The following WWC2 variants were observed in gnomAD, a reference collection of about 807,000 sequenced individuals.
WWC2 encodes the protein protein WWC2.
In WWC2, 101 loss-of-function variants were observed where a neutral mutation model predicts 138.5. That is an observed-to-expected ratio of 0.73 (90% CI 0.62 to 0.86). The LOEUF is 0.86. Among genes scored for constraint, WWC2 ranks in the 40% least tolerant of loss-of-function variants. The pLI is 0.00. For missense variants in WWC2, 1,420 were observed against 1,419.4 expected, an observed-to-expected ratio of 1.00 and a Z score of -0.01; for synonymous variants, 558 against 538.4, an observed-to-expected ratio of 1.04 and a Z score of -0.50.
chr4:183,288,313 C>G (rs1208330037), intron 20 of WWC2, among the ~76,000 whole-genome samples: 1 of 152,194 alleles, frequency 6.6e-6, no homozygotes, highest in African/African-American at 2.4e-5. Context: ...TATTTTAGAT[C>G]TTCAAACTGG....
chr4:183,284,337 A>T lies in WWC2; in HGVS notation c.2995A>T (p.Ile999Leu). The change falls in exon 19 of 23, where the codon ATA (isoleucine) becomes TTA (leucine). Residue 999 changes from isoleucine to leucine, a missense_variant. Physicochemically the swap from Ile to Leu is conservative, Grantham distance 5. Coordinates refer to ENST00000403733, the MANE Select transcript of WWC2 (RefSeq NM_024949.6). The part of the protein sequence containing the change: ...RQHPFVRSSV[I>L]VRSQTFSPGE... The stretch of plus-strand genomic sequence containing the variant: ...GCATCCGTTTGTGAGGAGCAGTGTG[A>T]TAGTGCGCTCACAGACCTTTTCTCC... 3 of 1,613,908 alleles carry T rather than the reference A, an allele frequency of 1.9e-6. No homozygotes were observed. Among genetic ancestry groups the T allele is most frequent in the Non-Finnish European group, 2.5e-6 (3 of 1,179,878 alleles).
intron 4 of WWC2, among the ~76,000 whole-genome samples, chr4:183,214,631 A>G (rs1735700409): frequency 6.6e-6 from 1 of 152,090 alleles, no homozygotes; most frequent in Admixed American, 6.5e-5. Flanking sequence ...CGTCTCTACT[A>G]AAAATACAAA....
At chr4:183,313,787 G>T (rs552549388) in intron 22 of WWC2, among the ~76,000 whole-genome samples, 2 of 151,066 alleles carry the variant, frequency 1.3e-5, no homozygotes, top group East Asian at 3.9e-4. Context: ...AGAACCAGGA[G>T]CCTGGGGCAA....
At chr4:183,295,992 T>C (rs1464165350) in intron 21 of WWC2, among the ~76,000 whole-genome samples, 1 of 152,216 alleles carries the variant, frequency 6.6e-6, no homozygotes, top group Non-Finnish European at 1.5e-5. Flanking sequence ...ACATGGGTGG[T>C]ATTTTTCACT....
At chr4:183,229,196 CTT>C (rs1736167034) in intron 4 of WWC2, among the ~76,000 whole-genome samples, 1 of 152,028 alleles carries the variant, frequency 6.6e-6, no homozygotes, top group Non-Finnish European at 1.5e-5. Context: ...AGTTTTTTTA[CTT>C]TCAGTGTGTA....
chr4:183,309,700 C>T (rs1739146751), intron 21 of WWC2, among the ~76,000 whole-genome samples: 3 of 152,230 alleles, frequency 2.0e-5, no homozygotes, highest in Non-Finnish European at 2.9e-5. Flanking sequence ...TTCTTACATA[C>T]AATTCAGCAG....
In WWC2 at chr4:183,209,063, A is replaced by T. The variant is rs570893313; in HGVS notation, c.522+38A>T. Reference sequence around the variant, plus strand: ...AAATTGTGGTTCTATGTTGACCCATATGCATAGAGTCTGAAGGCTGTGGAA... The same window carrying T: ...AAATTGTGGTTCTATGTTGACCCATTTGCATAGAGTCTGAAGGCTGTGGAA... On this transcript the variant is annotated intron_variant, in intron 4 of 22. Coordinates refer to ENST00000403733, the MANE Select transcript of WWC2 (RefSeq NM_024949.6). The T allele has an allele frequency of 4.8e-5, 67 of 1,404,042 alleles. No individual in the cohort carries two copies. The Admixed American group carries it at 1.3e-3, about 27-fold the overall frequency. 87.0% of individuals were successfully genotyped at this position (1,404,042 alleles called of 1,614,324 possible).
intron 4 of WWC2, among the ~76,000 whole-genome samples, chr4:183,231,179 A>G (rs925663822): frequency 2.6e-5 from 4 of 151,698 alleles, no homozygotes; most frequent in Non-Finnish European, 5.9e-5. Context: ...TCCTAGGAAT[A>G]TACAATTTAG....
chr4:183,135,562 A>G (rs887870398), intron 1 of WWC2, among the ~76,000 whole-genome samples: 1 of 152,042 alleles, frequency 6.6e-6, no homozygotes, highest in African/African-American at 2.4e-5. Context: ...ATATATATAG[A>G]TACACATGTA....
intron 4 of WWC2, among the ~76,000 whole-genome samples, chr4:183,220,556 C>T (rs548186166): frequency 1.9e-4 from 28 of 151,152 alleles, no homozygotes; most frequent in African/African-American, 6.3e-4. Context: ...AAAAAATGGC[C>T]GGGCGCGGTG....
rs1326278712 is a variant in WWC2, at chr4:183,208,008, G to T, written c.297G>T (p.Met99Ile). Residue 99 changes from methionine to isoleucine, a missense_variant, in exon 3 of 23, where the codon ATG becomes ATT. Met to Ile is a conservative substitution (Grantham distance 10). Coordinates refer to ENST00000403733, the MANE Select transcript of WWC2 (RefSeq NM_024949.6). ...AATGGAGGGGGGAACAGGAGAAGAT[G>T]CTCAAGGACTACCTCTCTGTGGCAC... ...RKQWRGEQEKMLKDYLSVAQD... is the reference protein window; with the variant it reads ...RKQWRGEQEKILKDYLSVAQD... The T allele has an allele frequency of 1.9e-6, 3 of 1,613,662 alleles. No homozygotes were observed. In the South Asian group the frequency reaches 3.3e-5, roughly 18 times the overall value.
At chr4:183,163,658 C>T (rs925099665) in intron 1 of WWC2, among the ~76,000 whole-genome samples, 4 of 152,106 alleles carry the variant, frequency 2.6e-5, no homozygotes, top group Non-Finnish European at 4.4e-5. Flanking sequence ...ACTTGACCTA[C>T]GTTACAGGTC....
At chr4:183,303,556 CTAATA>C (rs1167742276) in intron 21 of WWC2, among the ~76,000 whole-genome samples, 2 of 152,172 alleles carry the variant, frequency 1.3e-5, no homozygotes, top group Admixed American at 6.5e-5. Context: ...ACATAACTTT[CTAATA>C]TGAGTGTAGG....
rs371819502 is a variant in WWC2 at position 183,113,515 on chromosome 4, T to TGTGTGC, written c.131+13894_131+13895insTGTGCG. 3.4e-3 allele frequency among the ~76,000 whole-genome samples: 429 copies of TGTGTGC among 126,686 alleles called. 4 individuals carry two copies. Among genetic ancestry groups the TGTGTGC allele is most frequent in the African/African-American group, 0.011 (381 of 33,268 alleles). 83.1% of individuals were successfully genotyped at this position (126,686 alleles called of 152,430 possible). On this transcript the variant is annotated intron_variant, in intron 1 of 22. Transcript: ENST00000403733. Reference sequence around the variant, plus strand: ...GTGTGTGTGTGTGTGTGTGTGTGTGTGCGCGCGCGTGCGCGCGCACATGCA... The same window carrying TGTGTGC: ...GTGTGTGTGTGTGTGTGTGTGTGTGTGTGTGCGCGCGCGCGTGCGCGCGCACATGCA...
intron 21 of WWC2, among the ~76,000 whole-genome samples, chr4:183,296,969 A>T (rs1002075704): frequency 5.4e-5 from 7 of 128,682 alleles, no homozygotes; most frequent in South Asian, 5.3e-4. Context: ...AAAAAAAAAA[A>T]TTATTTCTTA....
intron 18 of WWC2, among the ~76,000 whole-genome samples, chr4:183,283,356 A>G (rs912546954): frequency 3.3e-5 from 5 of 152,242 alleles, no homozygotes; most frequent in Non-Finnish European, 5.9e-5. Flanking sequence ...ACAAGTGCCA[A>G]CCAAGTTATT....
intron 1 of WWC2, among the ~76,000 whole-genome samples, chr4:183,181,712 A>G (rs191955596): frequency 6.6e-4 from 101 of 152,244 alleles, no homozygotes; most frequent in Non-Finnish European, 1.8e-4. Flanking sequence ...GTTTTGGGAG[A>G]GTCAAAAGTT....
chr4:183,135,266 A>G (rs1733073362), intron 1 of WWC2, among the ~76,000 whole-genome samples: 1 of 151,950 alleles, frequency 6.6e-6, no homozygotes, highest in South Asian at 2.1e-4. Context: ...TATTGTAATT[A>G]TTACTGTGTT....
intron 2 of WWC2, among the ~76,000 whole-genome samples, chr4:183,201,040 T>C (rs552368456): frequency 2.6e-5 from 4 of 152,300 alleles, no homozygotes; most frequent in East Asian, 1.9e-4. Flanking sequence ...CACTCACATA[T>C]ATAAATATTG....
Sources: gnomAD v4.1 joint callset for allele counts (sites outside exome capture counted in the v4.1 genomes callset) on GRCh38, gnomAD v4.1.1 for gene constraint, MANE v1.5 for transcripts, NCBI Gene and HGNC (gene_info 2026-07-23, HGNC 2026-07-21) for gene names.